The following TUSC3 variants were observed in gnomAD, a reference collection of about 807,000 sequenced individuals.
TUSC3 encodes tumor suppressor candidate 3.
In TUSC3, 45 loss-of-function variants were observed where a neutral mutation model predicts 44.8. The ratio of observed to expected loss-of-function variants is 1.00; its 90% CI spans 0.79 to 1.29. TUSC3 has a LOEUF of 1.29. Ranked by LOEUF, TUSC3 falls within the 50% of genes most tolerant of loss-of-function variation. The pLI, the probability that TUSC3 is intolerant of heterozygous loss-of-function variation, is 0.00. For synonymous variants in TUSC3, 212 were observed against 152.9 expected, an observed-to-expected ratio of 1.39 and a Z score of -2.85; for missense variants, 519 against 437.9, an observed-to-expected ratio of 1.19 and a Z score of -1.65.
At chr8:15,527,174 C>G (rs965615513) in intron 2 of TUSC3, among the ~76,000 whole-genome samples, 3 of 152,132 alleles carry the variant, frequency 2.0e-5, no homozygotes, top group Non-Finnish European at 4.4e-5. Context: ...TAAATTGTTA[C>G]TTCACACATT....
At position 15,642,496 on chromosome 8, in the gene TUSC3, A is replaced by G. The variant is rs113128626; in HGVS notation, c.309-8201A>G. 2.8e-3 allele frequency among the ~76,000 whole-genome samples: 421 copies of G among 152,302 alleles called. 3 individuals carry two copies. The highest frequency in any genetic ancestry group is 9.7e-3 in the African/African-American group (405 of 41,564). On this transcript the variant is annotated intron_variant, in intron 2 of 10. Transcript: ENST00000503731. ...CTATCAGTTGACTAGAAAAGACATA[A>G]TCTCCATCTCTTGGGACACAGTTTC...
At chr8:15,570,254 A>G (rs866271999) in intron 1 of TUSC3, among the ~76,000 whole-genome samples, 5 of 135,056 alleles carry the variant, frequency 3.7e-5, no homozygotes, top group Admixed American at 3.2e-4. Context: ...ACCTTGTTTT[A>G]TAATGTATTT....
At chr8:15,652,685 G>A (rs1383522553) in intron 3 of TUSC3, among the ~76,000 whole-genome samples, 1 of 152,094 alleles carries the variant, frequency 6.6e-6, no homozygotes, top group Non-Finnish European at 1.5e-5. Context: ...ATAAGTAATA[G>A]ATCTCTATAG....
intron 1 of TUSC3, among the ~76,000 whole-genome samples, chr8:15,603,544 A>G (rs1804385445): frequency 2.0e-5 from 3 of 151,642 alleles, no homozygotes; most frequent in African/African-American, 7.2e-5. Context: ...TTTAAGTACA[A>G]TATATAGGAT....
the TUSC3 span, among the ~76,000 whole-genome samples, chr8:15,836,392 C>A: frequency 6.6e-6 from 1 of 151,266 alleles, no homozygotes; most frequent in Non-Finnish European, 1.5e-5. Context: ...CAGCAGAATC[C>A]CTTGAATCTG....
At chr8:15,649,620 C>A (rs1241273579) in intron 2 of TUSC3, among the ~76,000 whole-genome samples, 3 of 151,606 alleles carry the variant, frequency 2.0e-5, no homozygotes, top group African/African-American at 7.3e-5. Flanking sequence ...ATTATGACAT[C>A]TGTTTTTAGC....
chr8:15,635,647 G>A (rs1027561770), intron 2 of TUSC3, among the ~76,000 whole-genome samples: 1 of 152,146 alleles, frequency 6.6e-6, no homozygotes, highest in Non-Finnish European at 1.5e-5. Context: ...TGGTAGCCCC[G>A]ACAAAAGAAC....
At chr8:15,473,456 C>G (rs533938104) in intron 1 of TUSC3, among the ~76,000 whole-genome samples, 1 of 152,150 alleles carries the variant, frequency 6.6e-6, no homozygotes, top group African/African-American at 2.4e-5. Flanking sequence ...AAGTCTTGTT[C>G]CATTGTCACT....
At chr8:15,549,651 C>T (rs1254771309) in intron 1 of TUSC3, among the ~76,000 whole-genome samples, 1 of 151,456 alleles carries the variant, frequency 6.6e-6, no homozygotes, top group Non-Finnish European at 1.5e-5. Flanking sequence ...AACGGGGCCT[C>T]CCTTAAGGAA....
the TUSC3 span, among the ~76,000 whole-genome samples, chr8:15,828,921 A>G: frequency 1.3e-5 from 2 of 152,248 alleles, no homozygotes; most frequent in Non-Finnish European, 2.9e-5. Flanking sequence ...GAAAGAAAAT[A>G]CATGAATCCA....
At chr8:15,809,035 G>T in the TUSC3 span, among the ~76,000 whole-genome samples, 12 of 152,100 alleles carry the variant, frequency 7.9e-5, no homozygotes, top group Admixed American at 6.6e-4. Flanking sequence ...AAGAGACAAG[G>T]GTTGGTGGGA....
intron 1 of TUSC3, among the ~76,000 whole-genome samples, chr8:15,608,530 C>A (rs180727594): frequency 1.5e-3 from 235 of 152,180 alleles, no homozygotes; most frequent in Admixed American, 2.7e-3. Context: ...TGGTTTGGCT[C>A]TGTGTCCCCA....
chr8:15,440,113 G>A (rs939355558), intron 1 of TUSC3, among the ~76,000 whole-genome samples: 1 of 152,198 alleles, frequency 6.6e-6, no homozygotes, highest in African/African-American at 2.4e-5. Context: ...TGCCCTGAAA[G>A]AAGGAACATT....
intron 6 of TUSC3, among the ~76,000 whole-genome samples, chr8:15,693,226 G>C (rs1479054143): frequency 6.6e-6 from 1 of 152,162 alleles, no homozygotes; most frequent in Non-Finnish European, 1.5e-5. Flanking sequence ...ACGTAGACTT[G>C]TTTGTGTGGT....
chr8:15,844,626 A>G, the TUSC3 span, among the ~76,000 whole-genome samples: 1 of 152,298 alleles, frequency 6.6e-6, no homozygotes, highest in East Asian at 1.9e-4. Context: ...TTAGTATATT[A>G]AAAATCTCCA....
At chr8:15,502,199 G>A (rs1438563732) in intron 2 of TUSC3, among the ~76,000 whole-genome samples, 2 of 152,120 alleles carry the variant, frequency 1.3e-5, no homozygotes, top group African/African-American at 4.8e-5. Context: ...GTCTTTCTTT[G>A]CGCAAGTTTT....
chr8:15,606,916 A>G (rs1298067248), intron 1 of TUSC3, among the ~76,000 whole-genome samples: 3 of 150,306 alleles, frequency 2.0e-5, no homozygotes, highest in African/African-American at 7.5e-5. Context: ...TTAATAAAAC[A>G]TTGTGTGTGT....
intron 2 of TUSC3, among the ~76,000 whole-genome samples, chr8:15,496,383 T>A (rs1030514508): frequency 6.6e-6 from 1 of 152,228 alleles, no homozygotes; most frequent in Non-Finnish European, 1.5e-5. Context: ...TGCTGTCTCC[T>A]AGGGTCCTTG....
chr8:15,490,907 A>C (rs1174046843), intron 2 of TUSC3, among the ~76,000 whole-genome samples: 2 of 152,326 alleles, frequency 1.3e-5, no homozygotes, highest in East Asian at 3.9e-4. Context: ...ACCTAGGAAA[A>C]AAGGAACACA....
Sources: gnomAD v4.1 joint callset for allele counts (sites outside exome capture counted in the v4.1 genomes callset) on GRCh38, gnomAD v4.1.1 for gene constraint, MANE v1.5 for transcripts, NCBI Gene and HGNC (gene_info 2026-07-23, HGNC 2026-07-21) for gene names.